The following CCDC14 variants were observed in gnomAD, a reference collection of about 807,000 sequenced individuals.
The protein encoded by CCDC14 is coiled-coil domain containing 14, also known as coiled-coil domain-containing protein 14.
In CCDC14, 71 loss-of-function variants were observed where a neutral mutation model predicts 81.4. The observed-to-expected ratio is 0.87, with a 90% confidence interval of 0.72 to 1.06. The LOEUF (loss-of-function observed/expected upper bound fraction) is 1.06. CCDC14 is among the 50% of genes least tolerant of loss of function. The pLI is 0.00. For synonymous variants in CCDC14, 332 were observed against 364.8 expected, an observed-to-expected ratio of 0.91 and a Z score of 1.03; for missense variants, 1,046 against 1,047.3, an observed-to-expected ratio of 1.00 and a Z score of 0.02.
In CCDC14 at chr3:123,947,007, C is replaced by T; in HGVS notation, c.997G>A (p.Ala333Thr). ...THRSPTQSQP[A>T]FLATNEEKCA... ...TTTTCTTCATTAGTGGCCAAGAAAG[C>T]TGGTTGTGACTGAGTAGGGCTTCGG... Residue 333 changes from alanine (A) to threonine (T), a missense_variant, in exon 8 of 13, where the codon GCT (alanine) becomes ACT (threonine). Ala to Thr is a moderately conservative substitution (Grantham distance 58, BLOSUM62 0). Transcript: ENST00000409697. 6.2e-7 allele frequency: 1 copy of T among 1,613,958 alleles called. No individual in the cohort carries two copies. The highest frequency in any genetic ancestry group is 8.5e-7 in the Non-Finnish European group (1 of 1,179,860).
chr3:123,912,126 C>T (rs917982904), downstream of CCDC14, among the ~76,000 whole-genome samples: 4 of 152,108 alleles, frequency 2.6e-5, no homozygotes, highest in African/African-American at 4.8e-5. Context: ...GATCAAAGAC[C>T]GTAAAATAGT....
At chr3:123,952,801 G>A (rs1166083010) in intron 5 of CCDC14, 1 of 242,012 alleles carries the variant, frequency 4.1e-6, no homozygotes, top group Non-Finnish European at 9.7e-6. Flanking sequence ...ACTTGGAGAC[G>A]GTAAAGAGAA....
intron 12 of CCDC14, among the ~76,000 whole-genome samples, chr3:123,924,946 TAC>T (rs2035272780): frequency 1.5e-5 from 2 of 132,482 alleles, no homozygotes; most frequent in East Asian, 3.5e-4. Flanking sequence ...TATATATGTA[TAC>T]ATATATACAC....
intron 5 of CCDC14, among the ~76,000 whole-genome samples, chr3:123,902,432 A>G (rs945366631): frequency 2.6e-5 from 4 of 152,244 alleles, no homozygotes; most frequent in African/African-American, 9.6e-5. Flanking sequence ...ATGGAGAAAC[A>G]ATCACTGCCT....
chr3:123,901,778 T>C (rs2034184237), intron 5 of CCDC14, among the ~76,000 whole-genome samples: 1 of 152,138 alleles, frequency 6.6e-6, no homozygotes. Flanking sequence ...AAAGGATCAC[T>C]TTCTATACAA....
intron 12 of CCDC14, among the ~76,000 whole-genome samples, chr3:123,916,021 TAG>T (rs1393538992): frequency 2.7e-5 from 4 of 146,924 alleles, no homozygotes; most frequent in Non-Finnish European, 6.0e-5. Flanking sequence ...TTAATTGAGA[TAG>T]AGTCTCATTC....
the CCDC14 span, among the ~76,000 whole-genome samples, chr3:123,889,396 A>T: frequency 6.6e-6 from 1 of 152,190 alleles, no homozygotes; most frequent in African/African-American, 2.4e-5. Context: ...TGGGCAACAG[A>T]GGGAGACACA....
chr3:123,914,807 G>T lies in CCDC14; in HGVS notation c.2690C>A (p.Ser897Tyr). The stretch of plus-strand genomic sequence containing the variant: ...TTTCTCCAGAAGACCAGTCCTTAAA[G>T]ACTTCTGGAGTCTAGCTATGTTGGC... ...LDANIARLQKSLRTGLLEK is the reference protein window; with the variant it reads ...LDANIARLQKYLRTGLLEK Residue 897 changes from serine (S) to tyrosine (Y), a missense_variant, in exon 13 of 13, where the codon TCT becomes TAT. Coordinates refer to ENST00000409697, the MANE Select transcript of CCDC14 (RefSeq NM_001366335.1). The T allele has an allele frequency of 6.4e-7, 1 of 1,568,248 alleles. No homozygotes were observed. The highest frequency in any genetic ancestry group is 1.2e-5 in the South Asian group (1 of 84,810).
intron 5 of CCDC14, among the ~76,000 whole-genome samples, chr3:123,901,563 A>G (rs975143891): frequency 6.6e-6 from 1 of 152,170 alleles, no homozygotes; most frequent in African/African-American, 2.4e-5. Context: ...AATGTAAAAA[A>G]AATTTTAAGT....
chr3:123,889,303 C>T, the CCDC14 span, among the ~76,000 whole-genome samples: 1 of 152,064 alleles, frequency 6.6e-6, no homozygotes, highest in East Asian at 1.9e-4. Flanking sequence ...ATCCCAGCTA[C>T]TTGGAGGCTG....
chr3:123,940,678 T>C (rs61676339), intron 9 of CCDC14, among the ~76,000 whole-genome samples: 2,950 of 152,126 alleles, frequency 0.019, 84 homozygotes, highest in African/African-American at 0.066. Flanking sequence ...CACTTACTTA[T>C]ATGCTGGTAA....
At chr3:123,927,266 A>C (rs966502141) in intron 12 of CCDC14, among the ~76,000 whole-genome samples, 19 of 151,270 alleles carry the variant, frequency 1.3e-4, no homozygotes, top group African/African-American at 4.6e-4. Context: ...AAAAAAAAAA[A>C]AATAGCTGGG....
Position 123,931,344 on chromosome 3 carries a change from G to C in CCDC14, c.1609C>G (p.Gln537Glu). The change falls in exon 11 of 13, where the codon CAG becomes GAG. Residue 537 changes from glutamine to glutamate, a missense_variant. Gln to Glu is a conservative substitution (Grantham distance 29, BLOSUM62 2). Coordinates refer to ENST00000409697, the MANE Select transcript of CCDC14 (RefSeq NM_001366335.1). ...DKDQTILENK[Q>E]QYDIEITRIK... ...CTTGTTATCTCAATATCATATTGCT[G>C]TTTATTTTCAAGTATAGTTTGATCT... 6.6e-7 allele frequency: 1 copy of C among 1,521,392 alleles called. No individual in the cohort carries two copies. Among genetic ancestry groups the C allele is most frequent in the Non-Finnish European group, 8.9e-7 (1 of 1,119,516 alleles). The allele number at this position is 1,521,392 out of a possible 1,614,324, so 94.2% of individuals were successfully genotyped here.
rs1559764283 is a variant in CCDC14 at position 123,916,468 on chromosome 3, T to TGTG, written c.1779-751_1779-750insCAC. Among the ~76,000 whole-genome samples the TGTG allele has an allele frequency of 0.014, 2,061 of 146,176 alleles. 75 individuals are homozygous for TGTG. The East Asian group carries it at 0.16, about 11-fold the overall frequency. ...TTATTTCCCTTCATTATATATGTGT[T>TGTG]TGTGTGTGTGTGTGTGTGTGTGTGT... On this transcript the variant is annotated intron_variant, in intron 12 of 12. Transcript: ENST00000409697.
chr3:123,920,176 A>G (rs1176913306), intron 12 of CCDC14, among the ~76,000 whole-genome samples: 1 of 152,162 alleles, frequency 6.6e-6, no homozygotes, highest in South Asian at 2.1e-4. Context: ...GGAATTAGTG[A>G]GCCTGAAAAG....
chr3:123,943,455 T>G (rs1235840064), intron 9 of CCDC14, among the ~76,000 whole-genome samples: 1 of 152,060 alleles, frequency 6.6e-6, no homozygotes, highest in Non-Finnish European at 1.5e-5. Context: ...GAACTAAAAA[T>G]ATACTCTAAT....
At chr3:123,888,887 A>G in the CCDC14 span, among the ~76,000 whole-genome samples, 2 of 151,864 alleles carry the variant, frequency 1.3e-5, no homozygotes, top group African/African-American at 2.4e-5. Flanking sequence ...TTCCACCCCA[A>G]CCCCTCTCAA....
chr3:123,959,182 T>C (rs1011414877), intron 1 of CCDC14, among the ~76,000 whole-genome samples: 4 of 152,226 alleles, frequency 2.6e-5, no homozygotes, highest in African/African-American at 4.8e-5. Context: ...CTGGGTGATA[T>C]AGTTCTATAT....
At chr3:123,916,986 T>G (rs1577225340) in intron 12 of CCDC14, among the ~76,000 whole-genome samples, 1 of 151,860 alleles carries the variant, frequency 6.6e-6, no homozygotes, top group African/African-American at 2.4e-5. Context: ...GGACTACAGG[T>G]GCCCTCCACC....
Sources: gnomAD v4.1 joint callset for allele counts (sites outside exome capture counted in the v4.1 genomes callset) on GRCh38, gnomAD v4.1.1 for gene constraint, MANE v1.5 for transcripts, NCBI Gene and HGNC (gene_info 2026-07-23, HGNC 2026-07-21) for gene names.